RABEP1: variants seen among roughly 807,000 people sequenced by gnomAD.
RABEP1 encodes rab GTPase-binding effector protein 1.
RABEP1 carries 51 observed loss-of-function variants against 123.4 expected under a neutral mutation model. That is an observed-to-expected ratio of 0.41 (90% CI 0.33 to 0.52). The LOEUF is 0.52. Ranked by LOEUF, RABEP1 falls within the 20% of genes least tolerant of loss-of-function variation. The probability of loss-of-function intolerance (pLI) is 0.16; values close to 1 mark genes in which losing one functional copy is unlikely to be tolerated. For missense variants in RABEP1, 888 were observed against 996.3 expected, an observed-to-expected ratio of 0.89 and a Z score of 1.46; for synonymous variants, 347 against 355.2, an observed-to-expected ratio of 0.98 and a Z score of 0.26.
intron 14 of RABEP1, among the ~76,000 whole-genome samples, chr17:5,377,760 C>G (rs1911122655): frequency 1.3e-5 from 2 of 152,102 alleles, no homozygotes; most frequent in African/African-American, 4.8e-5. Flanking sequence ...CTCCTGACCT[C>G]AGGTGATCTG....
chr17:5,334,579 T>C (rs537178516), intron 3 of RABEP1, among the ~76,000 whole-genome samples: 2 of 152,320 alleles, frequency 1.3e-5, no homozygotes, highest in Non-Finnish European at 2.9e-5. Flanking sequence ...TCGGCCAGGC[T>C]TGTCTTGAAA....
chr17:5,375,195 A>G (rs1222160453), intron 13 of RABEP1, among the ~76,000 whole-genome samples: 1 of 148,154 alleles, frequency 6.7e-6, no homozygotes, highest in African/African-American at 2.5e-5. Flanking sequence ...TTTGGACCTC[A>G]TTCTTTTTTC....
intron 8 of RABEP1, among the ~76,000 whole-genome samples, chr17:5,356,771 C>A (rs1461806729): frequency 6.6e-6 from 1 of 151,676 alleles, no homozygotes; most frequent in African/African-American, 2.4e-5. Context: ...CTGCCTCATC[C>A]TCCTGAGTAG....
At chr17:5,329,060 C>T (rs776232490) in intron 2 of RABEP1, among the ~76,000 whole-genome samples, 122 of 124,258 alleles carry the variant, frequency 9.8e-4, no homozygotes, top group Non-Finnish European at 1.5e-3. Context: ...GAAGTTTTAC[C>T]AGAGATTTGG....
chr17:5,332,241 A>G, intron 3 of RABEP1, 89 bp downstream of exon 3: 2 of 1,254,296 alleles, frequency 1.6e-6, no homozygotes, highest in Admixed American at 2.3e-5. Flanking sequence ...TAAAATATAT[A>G]CAGAGTTTCA....
At chr17:5,290,747 C>G (rs376389717) in intron 1 of RABEP1, among the ~76,000 whole-genome samples, 1 of 152,194 alleles carries the variant, frequency 6.6e-6, no homozygotes. Context: ...GTGCTCATGA[C>G]CCAGCCTGAC....
intron 4 of RABEP1, among the ~76,000 whole-genome samples, chr17:5,335,938 T>C (rs960348966): frequency 6.6e-6 from 1 of 152,158 alleles, no homozygotes; most frequent in Non-Finnish European, 1.5e-5. Context: ...TTAGAATAGA[T>C]GTTAGTTTTC....
intron 3 of RABEP1, among the ~76,000 whole-genome samples, chr17:5,332,601 T>A (rs1234212749): frequency 6.8e-6 from 1 of 147,752 alleles, no homozygotes; most frequent in African/African-American, 2.5e-5. Context: ...TTAGAATTTT[T>A]TTTTTTTTTT....
intron 7 of RABEP1, among the ~76,000 whole-genome samples, chr17:5,353,297 A>G (rs1908725737): frequency 6.6e-6 from 1 of 152,202 alleles, no homozygotes; most frequent in South Asian, 2.1e-4. Flanking sequence ...TTCAAGATTC[A>G]GCTGAAGTGT....
At chr17:5,349,205 G>A (rs1384713831) in intron 6 of RABEP1, among the ~76,000 whole-genome samples, 2 of 152,136 alleles carry the variant, frequency 1.3e-5, no homozygotes, top group East Asian at 1.9e-4. Context: ...TTAGTTTTGC[G>A]TTTTAGAAAG....
intron 4 of RABEP1, chr17:5,336,458 T>C (rs1907093857): frequency 2.1e-6 from 1 of 470,480 alleles, no homozygotes; most frequent in Non-Finnish European, 4.2e-6. Flanking sequence ...GCATTAGTTT[T>C]TACCTAATGT....
At chr17:5,356,364 A>C (rs761102408) in intron 8 of RABEP1, 2 of 153,746 alleles carry the variant, frequency 1.3e-5, no homozygotes, top group Non-Finnish European at 2.9e-5. Flanking sequence ...ACACACACAA[A>C]AGTTAATCTG....
rs1473900616 is a variant in RABEP1 at position 5,377,314 on chromosome 17, A to G, written c.2215+9A>G. 1 of 1,571,158 alleles carries G rather than the reference A, an allele frequency of 6.4e-7. No homozygotes were observed. The highest frequency in any genetic ancestry group is 1.4e-5 in the African/African-American group (1 of 72,290). On this transcript the variant is annotated intron_variant, in intron 14 of 17. Coordinates refer to ENST00000537505, the MANE Select transcript of RABEP1 (RefSeq NM_004703.6). ...CTGCAAGGAGGAAATAGGTGAAGAT[A>G]AAAGTGATGTAGTTTAGAATTAGAG...
At chr17:5,313,528 T>C (rs2075265321) in intron 2 of RABEP1, among the ~76,000 whole-genome samples, 1 of 152,258 alleles carries the variant, frequency 6.6e-6, no homozygotes, top group African/African-American at 2.4e-5. Context: ...CCAAAAACTC[T>C]GAAGAAATGA....
At chr17:5,363,178 C>T (rs1909707714) in intron 10 of RABEP1, among the ~76,000 whole-genome samples, 162 bp downstream of exon 10, 1 of 150,960 alleles carries the variant, frequency 6.6e-6, no homozygotes, top group Non-Finnish European at 1.5e-5. Flanking sequence ...GTTACATTTC[C>T]AGTGGGAGCT....
chr17:5,288,687 G>A lies in RABEP1; in HGVS notation c.34+6167G>A, dbSNP rs927928207. Among the ~76,000 whole-genome samples, 6 of 151,656 alleles carry A rather than the reference G, an allele frequency of 4.0e-5. No individual in the cohort carries two copies. In the East Asian group the frequency reaches 5.8e-4, roughly 15 times the overall value. ...TGGGATTACAGGCGTGAGCCACTGCGCCTGGCCTATTTTATTTCTTTTCTT... is the reference window on the plus strand; with the variant it reads ...TGGGATTACAGGCGTGAGCCACTGCACCTGGCCTATTTTATTTCTTTTCTT... On this transcript the variant is annotated intron_variant, in intron 1 of 17. Transcript: ENST00000537505.
chr17:5,318,679 TAGAAAC>T (rs1329183033), intron 2 of RABEP1, among the ~76,000 whole-genome samples: 1 of 152,196 alleles, frequency 6.6e-6, no homozygotes, highest in Non-Finnish European at 1.5e-5. Flanking sequence ...TTTCAGAAGA[TAGAAAC>T]AGAGGGAATA....
chr17:5,293,151 G>A (rs2075048577), intron 1 of RABEP1, among the ~76,000 whole-genome samples: 2 of 152,108 alleles, frequency 1.3e-5, no homozygotes, highest in Admixed American at 6.6e-5. Flanking sequence ...GCTGGGTGTG[G>A]TGGTGCGTGC....
At chr17:5,299,449 TG>T (rs1399222928) in intron 1 of RABEP1, among the ~76,000 whole-genome samples, 1 of 151,608 alleles carries the variant, frequency 6.6e-6, no homozygotes, top group African/African-American at 2.4e-5. Flanking sequence ...CAGAGAACAC[TG>T]GGCATCATTT....
Sources: gnomAD v4.1 joint callset for allele counts (sites outside exome capture counted in the v4.1 genomes callset) on GRCh38, gnomAD v4.1.1 for gene constraint, MANE v1.5 for transcripts, NCBI Gene and HGNC (gene_info 2026-07-23, HGNC 2026-07-21) for gene names.